The following NUPR1 variants were observed in gnomAD, a reference collection of about 807,000 sequenced individuals.
NUPR1 encodes the protein nuclear protein 1.
A neutral mutation model predicts 7.3 loss-of-function variants in NUPR1; 8 were observed. The ratio of observed to expected loss-of-function variants is 1.09; its 90% confidence interval spans 0.64 to 1.97. The LOEUF is 1.97. Among genes scored for constraint, NUPR1 ranks in the 30% most tolerant of loss-of-function variants. The probability of loss-of-function intolerance (pLI) is 0.00; values close to 1 mark genes in which losing one functional copy is unlikely to be tolerated. For synonymous variants in NUPR1, 39 were observed against 44.5 expected, an observed-to-expected ratio of 0.88 and a Z score of 0.49; for missense variants, 96 against 111.7, an observed-to-expected ratio of 0.86 and a Z score of 0.63.
At position 28,535,552 on chromosome 16, in the gene NUPR1, T is replaced by TTTCTTTCCTTCCTTCC. The variant is rs1555472537; in HGVS notation, c.*2130_*2131insGGAAGGAAGGAAAGAA. On this transcript the variant is annotated 3_prime_UTR_variant, in exon 3 of 3. Coordinates refer to ENST00000324873, the MANE Select transcript of NUPR1 (RefSeq NM_012385.3). ...CTTTCTTTCTTTCTTTCCTTCTTTCTTTCTTTCTTTCCTTCCTTCCTTTCT... is the reference window on the plus strand; with the variant it reads ...CTTTCTTTCTTTCTTTCCTTCTTTCTTTCTTTCCTTCCTTCCTTCTTTCTTTCCTTCCTTCCTTTCT... 9.5e-5 allele frequency: 3 copies of TTTCTTTCCTTCCTTCC among 31,738 alleles called. No individual in the cohort carries two copies. The highest frequency in any genetic ancestry group is 1.6e-4 in the Non-Finnish European group (2 of 12,418). 2.0% of individuals were successfully genotyped at this position (31,738 alleles called of 1,614,324 possible). A position where few individuals can be genotyped will look rare whatever the true frequency, so the allele number is the denominator to read the frequency against.
Position 28,536,362 on chromosome 16 carries a change from A to G in NUPR1, c.*1321T>C, listed in dbSNP as rs1417586936. On this transcript the variant is annotated 3_prime_UTR_variant, in exon 3 of 3. Coordinates refer to ENST00000324873, the MANE Select transcript of NUPR1 (RefSeq NM_012385.3). ...AGTGAGACTCTGTATCAAAAAAACA[A>G]AAAAACAAAAATTAGCCAGGCGTGG... 2 of 152,036 alleles carry G rather than the reference A, an allele frequency of 1.3e-5. No homozygotes were observed. The highest frequency in any genetic ancestry group is 2.9e-5 in the Non-Finnish European group (2 of 68,070). 9.4% of individuals were successfully genotyped at this position (152,036 alleles called of 1,614,324 possible). A position where few individuals can be genotyped will look rare whatever the true frequency, so the allele number is the denominator to read the frequency against.
chr16:28,537,720 A>G (rs1465184762), intron 2 of NUPR1, 51 bp from the exon 3 acceptor site: 5 of 343,068 alleles, frequency 1.5e-5, no homozygotes, highest in Non-Finnish European at 2.7e-5. Flanking sequence ...TCTGGGTTCT[A>G]ATTCTGCCTC....
Position 28,538,121 on chromosome 16 carries a change from T to C in NUPR1, c.147A>G (p.Glu49=). 1 of 1,614,182 alleles carries C rather than the reference T, an allele frequency of 6.2e-7. No homozygotes were observed. The highest frequency in any genetic ancestry group is 8.5e-7 in the Non-Finnish European group (1 of 1,180,040). ...TGGGGCGGTTGGTGTTGGCAGCAGC[T>C]TCTCTCTTGGTGCGACCTTTCCGGC... is the stretch of plus-strand genomic sequence containing the variant. The part of the protein sequence containing the change: ...GGGRKGRTKR[E]AAANTNRPSP... The change falls in exon 2 of 3, where the codon GAA becomes GAG. Residue 49 remains glutamate, a synonymous_variant. Transcript: ENST00000324873.
Position 28,535,571 on chromosome 16 carries a change from C to CTTTCTTTTT in NUPR1, c.*2111_*2112insAAAAAGAAA. The stretch of plus-strand genomic sequence containing the variant: ...TCTTTCTTTCTTTCTTTCCTTCCTT[C>CTTTCTTTTT]CTTTCTTTCTTTCTTTCTTTCTTTC... On this transcript the variant is annotated 3_prime_UTR_variant, in exon 3 of 3. Coordinates refer to ENST00000324873, the MANE Select transcript of NUPR1 (RefSeq NM_012385.3). 1 of 71,950 alleles carries CTTTCTTTTT rather than the reference C, an allele frequency of 1.4e-5. No homozygotes were observed. The highest frequency in any genetic ancestry group is 5.3e-4 in the South Asian group (1 of 1,896). 4.5% of individuals were successfully genotyped at this position (71,950 alleles called of 1,614,324 possible).
At position 28,535,567 on chromosome 16, in the gene NUPR1, C is replaced by CTTTCTTTCT. The variant is rs1359794297; in HGVS notation, c.*2115_*2116insAGAAAGAAA. On this transcript the variant is annotated 3_prime_UTR_variant, in exon 3 of 3. Coordinates refer to ENST00000324873, the MANE Select transcript of NUPR1 (RefSeq NM_012385.3). ...TCCTTCTTTCTTTCTTTCTTTCCTT[C>CTTTCTTTCT]CTTCCTTTCTTTCTTTCTTTCTTTC... The CTTTCTTTCT allele has an allele frequency of 1.6e-4, 11 of 67,392 alleles. No individual in the cohort carries two copies. Among genetic ancestry groups the CTTTCTTTCT allele is most frequent in the Non-Finnish European group, 2.9e-4 (10 of 34,786 alleles). 4.2% of individuals were successfully genotyped at this position (67,392 alleles called of 1,614,324 possible).
rs1555472555 is a variant in NUPR1, at chr16:28,535,571, C to CTTTCTTTCTTTCTTTCTTTCTTT, written c.*2111_*2112insAAAGAAAGAAAGAAAGAAAGAAA. 9 of 71,948 alleles carry CTTTCTTTCTTTCTTTCTTTCTTT rather than the reference C, an allele frequency of 1.3e-4. No homozygotes were observed. Among genetic ancestry groups the CTTTCTTTCTTTCTTTCTTTCTTT allele is most frequent in the East Asian group, 7.0e-4 (1 of 1,436 alleles). The allele number at this position is 71,948 out of a possible 1,614,324, so 4.5% of individuals were successfully genotyped here. A position where few individuals can be genotyped will look rare whatever the true frequency, so the allele number is the denominator to read the frequency against. ...TCTTTCTTTCTTTCTTTCCTTCCTT[C>CTTTCTTTCTTTCTTTCTTTCTTT]CTTTCTTTCTTTCTTTCTTTCTTTC... On this transcript the variant is annotated 3_prime_UTR_variant, in exon 3 of 3. Transcript: ENST00000324873.
chr16:28,535,595 T>TCTTTCTTTC lies in NUPR1; in HGVS notation c.*2079_*2087dup. The stretch of plus-strand genomic sequence containing the variant: ...TCCTTTCTTTCTTTCTTTCTTTCTT[T>TCTTTCTTTC]CTTTCTTTCTTTCTTTCTTTCTTTC... On this transcript the variant is annotated 3_prime_UTR_variant, in exon 3 of 3. Coordinates refer to ENST00000324873, the MANE Select transcript of NUPR1 (RefSeq NM_012385.3). 2 of 47,700 alleles carry TCTTTCTTTC rather than the reference T, an allele frequency of 4.2e-5. No individual in the cohort carries two copies. Among genetic ancestry groups the TCTTTCTTTC allele is most frequent in the African/African-American group, 2.6e-4 (2 of 7,672 alleles). The allele number at this position is 47,700 out of a possible 1,614,324, so 3.0% of individuals were successfully genotyped here.
In NUPR1 at chr16:28,533,304, C is replaced by T. The variant is rs1161487384; in HGVS notation, c.*4379G>A. On this transcript the variant is annotated 3_prime_UTR_variant, in exon 3 of 3. Coordinates refer to ENST00000324873, the MANE Select transcript of NUPR1 (RefSeq NM_012385.3). ...TAGACTGTAAGATTCTGGGCCCAGG[C>T]TTCCGTGTGATCCCAGAGGAGGGTC... is the stretch of plus-strand genomic sequence containing the variant. 1 of 152,256 alleles carries T rather than the reference C, an allele frequency of 6.6e-6. No individual in the cohort carries two copies. Among genetic ancestry groups the T allele is most frequent in the Non-Finnish European group, 1.5e-5 (1 of 68,074 alleles). The allele number at this position is 152,256 out of a possible 1,614,324, so 9.4% of individuals were successfully genotyped here.
rs1567277604 is a variant in NUPR1, at chr16:28,535,591, T to TCCTTC, written c.*2091_*2092insGAAGG. On this transcript the variant is annotated 3_prime_UTR_variant, in exon 3 of 3. Transcript: ENST00000324873. ...TCCTTCCTTTCTTTCTTTCTTTCTT[T>TCCTTC]CTTTCTTTCTTTCTTTCTTTCTTTC... The TCCTTC allele has an allele frequency of 3.7e-4, 18 of 48,380 alleles. No individual in the cohort carries two copies. Among genetic ancestry groups the TCCTTC allele is most frequent in the African/African-American group, 1.6e-3 (17 of 10,346 alleles). The allele number at this position is 48,380 out of a possible 1,614,324, so 3.0% of individuals were successfully genotyped here. A position where few individuals can be genotyped will look rare whatever the true frequency, so the allele number is the denominator to read the frequency against.
intron 1 of NUPR1, 142 bp downstream of exon 1, chr16:28,538,654 C>T (rs1490897998): frequency 5.3e-6 from 4 of 756,762 alleles, no homozygotes; most frequent in Non-Finnish European, 9.4e-6. Context: ...TGCACTCCAG[C>T]CTGGGTGACA....
At chr16:28,538,753 G>T in intron 1 of NUPR1, 43 bp downstream of exon 1, 2 of 1,445,790 alleles carry the variant, frequency 1.4e-6, no homozygotes, top group African/African-American at 1.4e-5. Context: ...TCCTGATTTC[G>T]GGAGAGGAGG....
intron 1 of NUPR1, 107 bp downstream of exon 1, chr16:28,538,689 A>G: frequency 1.1e-6 from 1 of 945,386 alleles, no homozygotes; most frequent in Non-Finnish European, 1.7e-6. Context: ...AAAAAAAAGA[A>G]AGAAAGAAAC....
chr16:28,538,224 G>A (rs773335778), intron 1 of NUPR1, 69 bp from the exon 2 acceptor site: 2 of 1,609,660 alleles, frequency 1.2e-6, no homozygotes, highest in South Asian at 2.2e-5. Flanking sequence ...CAGAGGAGAG[G>A]CAGGGGTTCA....
At chr16:28,538,245 G>C (rs1181294106) in intron 1 of NUPR1, 90 bp from the exon 2 acceptor site, 1 of 1,585,888 alleles carries the variant, frequency 6.3e-7, no homozygotes, top group Non-Finnish European at 8.6e-7. Context: ...GGGTTGTGGG[G>C]ATGGGAAGAG....
Position 28,535,575 on chromosome 16 carries a change from T to TTCCTTCCTTCCTTCCTTC in NUPR1, c.*2107_*2108insGAAGGAAGGAAGGAAGGA, listed in dbSNP as rs1244240251. 3.6e-4 allele frequency: 15 copies of TTCCTTCCTTCCTTCCTTC among 41,404 alleles called. No individual in the cohort carries two copies. The highest frequency in any genetic ancestry group is 3.1e-3 in the East Asian group (2 of 640). The allele number at this position is 41,404 out of a possible 1,614,324, so 2.6% of individuals were successfully genotyped here. Reference sequence around the variant, plus strand: ...TCTTTCTTTCTTTCCTTCCTTCCTTTCTTTCTTTCTTTCTTTCTTTCTTTC... The same window carrying TTCCTTCCTTCCTTCCTTC: ...TCTTTCTTTCTTTCCTTCCTTCCTTTTCCTTCCTTCCTTCCTTCCTTTCTTTCTTTCTTTCTTTCTTTC... On this transcript the variant is annotated 3_prime_UTR_variant, in exon 3 of 3. Coordinates refer to ENST00000324873, the MANE Select transcript of NUPR1 (RefSeq NM_012385.3).
chr16:28,537,880 C>T (rs1009393742), intron 2 of NUPR1, 126 bp downstream of exon 2: 1 of 760,758 alleles, frequency 1.3e-6, no homozygotes, highest in African/African-American at 1.7e-5. Context: ...AAACATATGT[C>T]TCGTTTTATT....
In NUPR1 at chr16:28,535,565, TTCCTTCC is replaced by T. The variant is rs1567277449; in HGVS notation, c.*2111_*2117del. On this transcript the variant is annotated 3_prime_UTR_variant, in exon 3 of 3. Transcript: ENST00000324873. The stretch of plus-strand genomic sequence containing the variant: ...TTTCCTTCTTTCTTTCTTTCTTTCC[TTCCTTCC>T]TTTCTTTCTTTCTTTCTTTCTTTCT... 6.8e-4 allele frequency: 20 copies of T among 29,344 alleles called. No homozygotes were observed. Among genetic ancestry groups the T allele is most frequent in the Middle Eastern group, 0.016 (1 of 64 alleles). The allele number at this position is 29,344 out of a possible 1,614,324, so 1.8% of individuals were successfully genotyped here. A position where few individuals can be genotyped will look rare whatever the true frequency, so the allele number is the denominator to read the frequency against.
At position 28,533,403 on chromosome 16, in the gene NUPR1, A is replaced by G. The variant is rs2151632545; in HGVS notation, c.*4280T>C. ...AAACTTTGGTTTTTGTTTTTTTGAG[A>G]CAGGTCTCACTCTGACGCCCAGGCT... is the stretch of plus-strand genomic sequence containing the variant. On this transcript the variant is annotated 3_prime_UTR_variant, in exon 3 of 3. Coordinates refer to ENST00000324873, the MANE Select transcript of NUPR1 (RefSeq NM_012385.3). 6.6e-6 allele frequency: 1 copy of G among 152,172 alleles called. No homozygotes were observed. The highest frequency in any genetic ancestry group is 1.5e-5 in the Non-Finnish European group (1 of 68,042). The allele number at this position is 152,172 out of a possible 1,614,324, so 9.4% of individuals were successfully genotyped here. A position where few individuals can be genotyped will look rare whatever the true frequency, so the allele number is the denominator to read the frequency against.
At position 28,537,055 on chromosome 16, in the gene NUPR1, A is replaced by C. The variant is rs924294607; in HGVS notation, c.*628T>G. ...TCTATGAACAGGACACAATCAACAA[A>C]AACAGGTGCTGGGGAGGGCCGTGTT... On this transcript the variant is annotated 3_prime_UTR_variant, in exon 3 of 3. Coordinates refer to ENST00000324873, the MANE Select transcript of NUPR1 (RefSeq NM_012385.3). 3 of 152,238 alleles carry C rather than the reference A, an allele frequency of 2.0e-5. No homozygotes were observed. Among genetic ancestry groups the C allele is most frequent in the African/African-American group, 7.2e-5 (3 of 41,444 alleles). The allele number at this position is 152,238 out of a possible 1,614,324, so 9.4% of individuals were successfully genotyped here. A position where few individuals can be genotyped will look rare whatever the true frequency, so the allele number is the denominator to read the frequency against.
Sources: allele counts gnomAD v4.1 joint callset, GRCh38; gene constraint gnomAD v4.1.1; transcripts MANE v1.5; gene names NCBI Gene and HGNC (gene_info 2026-07-23, HGNC 2026-07-21).